Variants in ENTREP1 observed in about 807,000 individuals in gnomAD.
The protein encoded by ENTREP1 is endosomal transmembrane epsin interactor 1.
the ENTREP1 span, among the ~76,000 whole-genome samples, chr9:69,335,518 C>T: frequency 4.6e-5 from 7 of 152,100 alleles, no homozygotes; most frequent in Admixed American, 2.6e-4. Context: ...AGGGCAGGTA[C>T]TTGGTAGGAA....
At chr9:69,390,379 T>C in the ENTREP1 span, among the ~76,000 whole-genome samples, 2 of 152,150 alleles carry the variant, frequency 1.3e-5, no homozygotes, top group African/African-American at 4.8e-5. Flanking sequence ...CAAAGAAACA[T>C]GGCAGTGCAA....
chr9:69,383,602 C>A, the ENTREP1 span: 1 of 1,613,416 alleles, frequency 6.2e-7, no homozygotes, highest in Non-Finnish European at 8.5e-7. Context: ...GTAGAACGTG[C>A]TTTCTGACGC....
the ENTREP1 span, chr9:69,381,792 C>T: frequency 6.6e-6 from 1 of 152,342 alleles, no homozygotes; most frequent in Non-Finnish European, 1.5e-5. Flanking sequence ...TCAACTCTAG[C>T]AGCATCTTCC....
chr9:69,340,997 C>A, the ENTREP1 span, among the ~76,000 whole-genome samples: 1 of 152,136 alleles, frequency 6.6e-6, no homozygotes, highest in Non-Finnish European at 1.5e-5. Flanking sequence ...CTGGTCTAGG[C>A]ACCTCAGTTA....
the ENTREP1 span, among the ~76,000 whole-genome samples, chr9:69,376,939 T>C: frequency 2.6e-5 from 4 of 152,180 alleles, no homozygotes; most frequent in Non-Finnish European, 5.9e-5. Context: ...GAAATAGAAT[T>C]AGTGGCCACA....
the ENTREP1 span, among the ~76,000 whole-genome samples, chr9:69,359,401 G>T: frequency 6.6e-6 from 1 of 152,168 alleles, no homozygotes; most frequent in Admixed American, 6.5e-5. Flanking sequence ...TAATCCCCAC[G>T]TGTCAAGGGA....
the ENTREP1 span, chr9:69,388,457 T>C: frequency 6.4e-7 from 1 of 1,574,624 alleles, no homozygotes; most frequent in Non-Finnish European, 8.6e-7. Context: ...ACAGGTAGTT[T>C]TATTATTAAT....
the ENTREP1 span, among the ~76,000 whole-genome samples, chr9:69,356,126 C>T: frequency 7.2e-4 from 110 of 152,304 alleles, no homozygotes; most frequent in African/African-American, 2.2e-3. Flanking sequence ...TAAACAACAA[C>T]GCCCCATTTC....
chr9:69,351,669 G>A, the ENTREP1 span, among the ~76,000 whole-genome samples: 1 of 152,142 alleles, frequency 6.6e-6, no homozygotes, highest in African/African-American at 2.4e-5. Context: ...CATCCGCCTC[G>A]GCCGCCAAAT....
At chr9:69,325,763 G>C in the ENTREP1 span, 5 of 1,219,204 alleles carry the variant, frequency 4.1e-6, no homozygotes, top group Non-Finnish European at 5.1e-6. Context: ...CGGTCATCCC[G>C]GTGATAGGGG....
chr9:69,350,225 C>T, the ENTREP1 span, among the ~76,000 whole-genome samples: 1 of 152,000 alleles, frequency 6.6e-6, no homozygotes, highest in South Asian at 2.1e-4. Flanking sequence ...TTGCTTAGGT[C>T]TTTCATTTTT....
At chr9:69,377,946 T>A in the ENTREP1 span, among the ~76,000 whole-genome samples, 3 of 152,238 alleles carry the variant, frequency 2.0e-5, no homozygotes, top group Non-Finnish European at 2.9e-5. Context: ...AGAGTCCACC[T>A]CTGCCAGCCT....
At chr9:69,325,625 A>T in the ENTREP1 span, 2 of 1,230,790 alleles carry the variant, frequency 1.6e-6, no homozygotes, top group Non-Finnish European at 2.0e-6. Flanking sequence ...GCTTCAGCTG[A>T]TCTTGGGCTG....
At chr9:69,377,404 T>C in the ENTREP1 span, 1 of 1,614,102 alleles carries the variant, frequency 6.2e-7, no homozygotes, top group Non-Finnish European at 8.5e-7. Context: ...TTGAATGCCC[T>C]GACCACCACC....
chr9:69,359,888 A>G, the ENTREP1 span, among the ~76,000 whole-genome samples: 4 of 151,972 alleles, frequency 2.6e-5, no homozygotes, highest in Middle Eastern at 3.5e-3. Context: ...TGACAAGTAC[A>G]TTTGTTGAGG....
chr9:69,358,884 T>TA, the ENTREP1 span, among the ~76,000 whole-genome samples: 4 of 147,800 alleles, frequency 2.7e-5, no homozygotes, highest in East Asian at 2.0e-4. Flanking sequence ...GCCTTTTTTT[T>TA]TCTTTTTCTT....
At chr9:69,367,326 T>C in the ENTREP1 span, among the ~76,000 whole-genome samples, 1 of 151,872 alleles carries the variant, frequency 6.6e-6, no homozygotes, top group Non-Finnish European at 1.5e-5. Flanking sequence ...TCAGGATTGC[T>C]TTGGCTCTTT....
chr9:69,327,010 G>GAA, the ENTREP1 span, among the ~76,000 whole-genome samples: 4 of 139,428 alleles, frequency 2.9e-5, no homozygotes, highest in Non-Finnish European at 4.7e-5. Flanking sequence ...AGACCAAATT[G>GAA]AAAAAAAAAA....
the ENTREP1 span, among the ~76,000 whole-genome samples, chr9:69,373,128 A>T: frequency 6.6e-6 from 1 of 152,092 alleles, no homozygotes; most frequent in East Asian, 1.9e-4. Context: ...TTCTGATGTT[A>T]TAATTATAAA....
Sources: gnomAD v4.1 joint callset for allele counts (sites outside exome capture counted in the v4.1 genomes callset) on GRCh38, gnomAD v4.1.1 for gene constraint, MANE v1.5 for transcripts, NCBI Gene and HGNC (gene_info 2026-07-23, HGNC 2026-07-21) for gene names.